OSCP1: variants seen among roughly 807,000 people sequenced by gnomAD.
OSCP1 encodes organic solute carrier partner 1, also known as protein OSCP1.
A neutral mutation model predicts 45.1 loss-of-function variants in OSCP1; 35 were observed. That is an observed-to-expected ratio of 0.78 (90% CI 0.59 to 1.03). The LOEUF (loss-of-function observed/expected upper bound fraction) is 1.03, where lower values mean the gene tolerates loss of function less well. OSCP1 is among the 50% of genes least tolerant of loss of function. The pLI, the probability that OSCP1 is intolerant of heterozygous loss-of-function variation, is 0.00. For synonymous variants in OSCP1, 179 were observed against 180.1 expected (o/e 0.99, Z 0.05); for missense variants, 400 against 470.7 (o/e 0.85, Z 1.39).
At chr1:36,424,815 G>A (rs973422723) in intron 4 of OSCP1, among the ~76,000 whole-genome samples, 3 of 152,172 alleles carry the variant, frequency 2.0e-5, no homozygotes, top group African/African-American at 7.2e-5. Context: ...TAAAATAAGA[G>A]ATGAGCTTGA....
At chr1:36,422,578 T>C (rs1046694136) in intron 6 of OSCP1, among the ~76,000 whole-genome samples, 190 bp downstream of exon 6, 1 of 152,198 alleles carries the variant, frequency 6.6e-6, no homozygotes, top group Admixed American at 6.5e-5. Context: ...TTCTGTTGAG[T>C]TGCCTTATGT....
chr1:36,427,953 C>T (rs972694501), intron 4 of OSCP1, among the ~76,000 whole-genome samples: 5 of 151,818 alleles, frequency 3.3e-5, no homozygotes, highest in East Asian at 1.9e-4. Context: ...TTTGGGAGGC[C>T]GAGGCGGGTG....
At chr1:36,429,210 A>G (rs1648179463) in intron 4 of OSCP1, among the ~76,000 whole-genome samples, 1 of 151,972 alleles carries the variant, frequency 6.6e-6, no homozygotes, top group Admixed American at 6.6e-5. Context: ...ACAAAGCAAG[A>G]TTCTGTCTCT....
rs1385180656 is a variant in OSCP1 at position 36,422,984 on chromosome 1, A to G, written c.621-88T>C. ...TTATTCTTTGTACTACAGAACAAAA[A>G]AGGAATACATGCTCTCCTTCAAGAT... On this transcript the variant is annotated intron_variant, in intron 5 of 9. Coordinates refer to ENST00000235532, the MANE Select transcript of OSCP1 (RefSeq NM_145047.5). The G allele has an allele frequency of 6.4e-6, 7 of 1,087,688 alleles. No individual in the cohort carries two copies. In the Admixed American group the frequency reaches 1.7e-4, roughly 26 times the overall value. 67.4% of individuals were successfully genotyped at this position (1,087,688 alleles called of 1,614,324 possible).
At chr1:36,444,749 C>T (rs1205690096) in intron 1 of OSCP1, among the ~76,000 whole-genome samples, 1 of 152,144 alleles carries the variant, frequency 6.6e-6, no homozygotes, top group Non-Finnish European at 1.5e-5. Flanking sequence ...AATCAAGACT[C>T]TATGGGTTGA....
intron 4 of OSCP1, among the ~76,000 whole-genome samples, chr1:36,431,096 G>A (rs941200824): frequency 2.0e-5 from 3 of 152,226 alleles, no homozygotes; most frequent in African/African-American, 7.2e-5. Context: ...CACCTGAACT[G>A]TGGAGATTAG....
At chr1:36,418,593 C>T (rs528761997) in intron 9 of OSCP1, 11 of 353,132 alleles carry the variant, frequency 3.1e-5, no homozygotes, top group African/African-American at 1.7e-4. Flanking sequence ...AAGAGGGTCT[C>T]TGAAGTTCAA....
At chr1:36,449,745 G>A (rs959084391) in intron 1 of OSCP1, among the ~76,000 whole-genome samples, 3 of 139,968 alleles carry the variant, frequency 2.1e-5, no homozygotes, top group Admixed American at 7.9e-5. Flanking sequence ...GCTGAGGCAC[G>A]AGAATCGCTG....
intron 4 of OSCP1, among the ~76,000 whole-genome samples, chr1:36,426,960 C>A (rs2124781362): frequency 6.6e-6 from 1 of 150,608 alleles, no homozygotes; most frequent in African/African-American, 2.4e-5. Flanking sequence ...CCTGCCTCAG[C>A]CTCCCAAAGT....
chr1:36,436,527 C>T lies in OSCP1; in HGVS notation c.267+2229G>A, dbSNP rs190011425. On this transcript the variant is annotated intron_variant, in intron 2 of 9. Coordinates refer to ENST00000235532, the MANE Select transcript of OSCP1 (RefSeq NM_145047.5). ...AAGTGCTGGGATTACAGGCATACGC[C>T]ATTACACCTGGTCTTTTAAAATTTT... 1.8e-4 allele frequency among the ~76,000 whole-genome samples: 27 copies of T among 152,242 alleles called. No homozygotes were observed. In the East Asian group the frequency reaches 4.8e-3, roughly 27 times the overall value.
Position 36,422,190 on chromosome 1 carries a change from T to C in OSCP1, c.779A>G (p.His260Arg), listed in dbSNP as rs1236361726. Residue 260 changes from histidine (H) to arginine (R), a missense_variant, in exon 7 of 10, where the codon CAT becomes CGT. Coordinates refer to ENST00000235532, the MANE Select transcript of OSCP1 (RefSeq NM_145047.5). ...TAAGTTCTTTGATGATCCAGACACA[T>C]GAGTTTCCACAGGCTGATTCACGCT... ...MYSVNQPVETHVSGSSKNLAS... is the reference protein window; with the variant it reads ...MYSVNQPVETRVSGSSKNLAS... The C allele has an allele frequency of 1.2e-6, 2 of 1,614,018 alleles. No individual in the cohort carries two copies. The highest frequency in any genetic ancestry group is 1.7e-6 in the Non-Finnish European group (2 of 1,179,994).
intron 2 of OSCP1, among the ~76,000 whole-genome samples, chr1:36,437,707 T>C (rs942545668): frequency 6.6e-6 from 1 of 152,042 alleles, no homozygotes; most frequent in Non-Finnish European, 1.5e-5. Context: ...TTAGAAGAGA[T>C]GAGGTTTTAC....
At chr1:36,424,173 C>T (rs1221495581) in intron 4 of OSCP1, among the ~76,000 whole-genome samples, 2 of 152,068 alleles carry the variant, frequency 1.3e-5, no homozygotes, top group Non-Finnish European at 2.9e-5. Context: ...AATCCTAAGC[C>T]CAAGTGATCT....
chr1:36,424,301 T>C (rs1323663278), intron 4 of OSCP1, among the ~76,000 whole-genome samples: 1 of 152,156 alleles, frequency 6.6e-6, no homozygotes, highest in Non-Finnish European at 1.5e-5. Flanking sequence ...ATTACCCCCA[T>C]TTTAAAGACG....
rs748844782 is a variant in OSCP1 at position 36,432,570 on chromosome 1, A to G, written c.287T>C (p.Met96Thr). ...SMDKLYDLMTMAFKYQVLLCP... is the reference protein window; with the variant it reads ...SMDKLYDLMTTAFKYQVLLCP... ...CAGCAATACTTGATATTTGAAAGCC[A>G]TGGTCATCAGGTCATAGAGCTGCCA... is the stretch of plus-strand genomic sequence containing the variant. The change falls in exon 3 of 10, where the codon ATG becomes ACG. Residue 96 changes from methionine (M) to threonine (T), a missense_variant. Physicochemically the swap from Met to Thr is moderately conservative, Grantham distance 81 (BLOSUM62 -1). Transcript: ENST00000235532. 2 of 1,614,200 alleles carry G rather than the reference A, an allele frequency of 1.2e-6. No individual in the cohort carries two copies. The highest frequency in any genetic ancestry group is 8.5e-7 in the Non-Finnish European group (1 of 1,180,040).
chr1:36,434,326 A>C (rs1355698631), intron 2 of OSCP1, among the ~76,000 whole-genome samples: 1 of 152,216 alleles, frequency 6.6e-6, no homozygotes, highest in African/African-American at 2.4e-5. Flanking sequence ...CTAATTTCAT[A>C]TTGCTGGTAA....
intron 4 of OSCP1, among the ~76,000 whole-genome samples, chr1:36,431,245 G>A (rs557182519): frequency 3.8e-4 from 58 of 152,242 alleles, no homozygotes; most frequent in African/African-American, 1.4e-3. Context: ...CACAGGCAGA[G>A]GAGTTGGTAG....
chr1:36,422,222 G>C lies in OSCP1; in HGVS notation c.750-3C>G, dbSNP rs745418946. 1.2e-6 allele frequency: 2 copies of C among 1,613,812 alleles called. No homozygotes were observed. The highest frequency in any genetic ancestry group is 8.5e-7 in the Non-Finnish European group (1 of 1,179,718). ...CCACAGGCTGATTCACGCTGTACCT[G>C]GTGTGTCAACAGAAAATGGTGACAT... On this transcript the variant is annotated splice_region_variant and splice_polypyrimidine_tract_variant and intron_variant, in intron 6 of 9. Coordinates refer to ENST00000235532, the MANE Select transcript of OSCP1 (RefSeq NM_145047.5).
intron 1 of OSCP1, among the ~76,000 whole-genome samples, chr1:36,448,548 T>C (rs1032577975): frequency 2.0e-5 from 3 of 152,188 alleles, no homozygotes; most frequent in Non-Finnish European, 4.4e-5. Flanking sequence ...CAGTATAGCA[T>C]GGCCAGTGGT....
Sources: allele counts gnomAD v4.1 joint callset (sites outside exome capture counted in the v4.1 genomes callset), GRCh38; gene constraint gnomAD v4.1.1; transcripts MANE v1.5; gene names NCBI Gene and HGNC (gene_info 2026-07-23, HGNC 2026-07-21).